The following WDFY1 variants were observed in gnomAD, a reference collection of about 807,000 sequenced individuals.
The protein encoded by WDFY1 is WD repeat and FYVE domain-containing protein 1.
WDFY1 carries 32 observed loss-of-function variants against 56.4 expected under a neutral mutation model. That is an observed-to-expected ratio of 0.57 (90% CI 0.43 to 0.76). The LOEUF (loss-of-function observed/expected upper bound fraction) is 0.76. Ranked by LOEUF, WDFY1 falls within the 30% of genes least tolerant of loss-of-function variation. The pLI is 0.00. For missense variants in WDFY1, 480 were observed against 545.7 expected, an observed-to-expected ratio of 0.88 and a Z score of 1.20; for synonymous variants, 192 against 197.3, an observed-to-expected ratio of 0.97 and a Z score of 0.23.
intron 1 of WDFY1, among the ~76,000 whole-genome samples, chr2:223,920,462 C>T (rs1421740709): frequency 6.6e-6 from 1 of 152,222 alleles, no homozygotes; most frequent in Admixed American, 6.5e-5. Context: ...GAAATATTTA[C>T]ATGGAAAGAT....
At chr2:223,924,941 A>C (rs1390357228) in intron 1 of WDFY1, among the ~76,000 whole-genome samples, 2 of 152,180 alleles carry the variant, frequency 1.3e-5, no homozygotes, top group African/African-American at 4.8e-5. Flanking sequence ...CCTGCCCAAT[A>C]ATAATGACAA....
chr2:223,928,500 C>T (rs1694021403), intron 1 of WDFY1, among the ~76,000 whole-genome samples: 1 of 152,150 alleles, frequency 6.6e-6, no homozygotes, highest in African/African-American at 2.4e-5. Context: ...AGGATACCTG[C>T]TGACCGACCT....
chr2:223,929,209 CAG>C (rs1694037054), intron 1 of WDFY1, among the ~76,000 whole-genome samples: 1 of 46,298 alleles, frequency 2.2e-5, no homozygotes, highest in Admixed American at 2.3e-4. Context: ...TTTTTTGAGA[CAG>C]AGTTTTGCTC....
intron 1 of WDFY1, among the ~76,000 whole-genome samples, chr2:223,927,533 ATTAAGG>A: frequency 6.6e-6 from 1 of 152,312 alleles, no homozygotes; most frequent in Admixed American, 6.5e-5. Flanking sequence ...ATCGAAGAGG[ATTAAGG>A]CCTTGCTCTG....
chr2:223,912,448 C>T (rs921295789), intron 2 of WDFY1, 122 bp from the exon 3 acceptor site: 6 of 642,488 alleles, frequency 9.3e-6, no homozygotes, highest in Admixed American at 3.9e-5. Flanking sequence ...AGGGTAAAAA[C>T]GTTTTATACA....
chr2:223,932,829 TA>T (rs1289310457), intron 1 of WDFY1, among the ~76,000 whole-genome samples: 1 of 150,378 alleles, frequency 6.6e-6, no homozygotes, highest in African/African-American at 2.5e-5. Flanking sequence ...TAGCAAAGGA[TA>T]TTTTTTCCTA....
At chr2:223,887,822 CCT>C (rs1431162814) in intron 8 of WDFY1, among the ~76,000 whole-genome samples, 2 of 152,046 alleles carry the variant, frequency 1.3e-5, no homozygotes, top group Non-Finnish European at 2.9e-5. Context: ...CATTTTCCCC[CCT>C]TAGCCTCTCA....
chr2:223,938,076 T>C (rs1221658619), intron 1 of WDFY1, among the ~76,000 whole-genome samples: 5 of 152,190 alleles, frequency 3.3e-5, no homozygotes, highest in African/African-American at 9.6e-5. Context: ...ATCTAAAAGT[T>C]GGTTTTCTGT....
At chr2:223,878,804 AC>A in intron 11 of WDFY1, 74 bp from the exon 12 acceptor site, 1 of 1,538,644 alleles carries the variant, frequency 6.5e-7, no homozygotes, top group Non-Finnish European at 8.9e-7. Context: ...ACACAGACAA[AC>A]AAACGACTGT....
At chr2:223,916,758 A>G (rs1693794383) in intron 2 of WDFY1, among the ~76,000 whole-genome samples, 1 of 151,560 alleles carries the variant, frequency 6.6e-6, no homozygotes, top group East Asian at 1.9e-4. Flanking sequence ...CGCTGCTTAG[A>G]TTCACATGAA....
intron 10 of WDFY1, 88 bp from the exon 11 acceptor site, chr2:223,880,320 A>T: frequency 8.3e-7 from 1 of 1,203,790 alleles, no homozygotes; most frequent in Non-Finnish European, 1.2e-6. Flanking sequence ...AAAATAAGCA[A>T]ATATGGCCAG....
intron 1 of WDFY1, among the ~76,000 whole-genome samples, chr2:223,918,808 G>C (rs1023872927): frequency 6.6e-6 from 1 of 152,134 alleles, no homozygotes; most frequent in Non-Finnish European, 1.5e-5. Context: ...GGCATGGAGA[G>C]GGGCGCCACG....
At chr2:223,896,048 C>T (rs1414056074) in intron 6 of WDFY1, among the ~76,000 whole-genome samples, 1 of 148,088 alleles carries the variant, frequency 6.8e-6, no homozygotes, top group Non-Finnish European at 1.5e-5. Context: ...CCCAGCTACT[C>T]GGGAGGCTAA....
At chr2:223,893,742 A>G (rs921123429) in intron 8 of WDFY1, among the ~76,000 whole-genome samples, 4 of 152,176 alleles carry the variant, frequency 2.6e-5, no homozygotes, top group African/African-American at 9.7e-5. Flanking sequence ...AAAGAATACT[A>G]TGTCGACATG....
At chr2:223,900,050 C>T (rs375194603) in intron 5 of WDFY1, among the ~76,000 whole-genome samples, 3 of 152,164 alleles carry the variant, frequency 2.0e-5, no homozygotes, top group Admixed American at 6.5e-5. Context: ...ATTACTTTCT[C>T]GATTTGTGGT....
At chr2:223,889,925 C>T (rs1693239680) in intron 8 of WDFY1, among the ~76,000 whole-genome samples, 1 of 152,168 alleles carries the variant, frequency 6.6e-6, no homozygotes, top group Admixed American at 6.5e-5. Flanking sequence ...CCGAGCAACA[C>T]TATCCCTATT....
At chr2:223,943,228 A>G (rs1411364390) in intron 1 of WDFY1, among the ~76,000 whole-genome samples, 1 of 148,958 alleles carries the variant, frequency 6.7e-6, no homozygotes, top group African/African-American at 2.5e-5. Context: ...TGCCTTTTTC[A>G]GGTCCCCACC....
In WDFY1 at chr2:223,884,751, T is replaced by TG. The variant is rs1236974397; in HGVS notation, c.832-3dup. The stretch of plus-strand genomic sequence containing the variant: ...ATCACTTTCCAACCACTGAGGAGCC[T>TG]GGGGGAGCAGAAAGTCAAAGCCACC... On this transcript the variant is annotated splice_polypyrimidine_tract_variant and splice_region_variant and intron_variant, in intron 8 of 11. Transcript: ENST00000233055. 1 of 1,613,774 alleles carries TG rather than the reference T, an allele frequency of 6.2e-7. No individual in the cohort carries two copies.
In WDFY1 at chr2:223,881,961, C is replaced by A. The variant is rs1035003508; in HGVS notation, c.1045G>T (p.Asp349Tyr). The A allele has an allele frequency of 1.2e-6, 2 of 1,613,706 alleles. No homozygotes were observed. The highest frequency in any genetic ancestry group is 1.1e-5 in the South Asian group (1 of 91,062). The change falls in exon 10 of 12, where the codon GAC becomes TAC. Residue 349 changes from aspartate to tyrosine, a missense_variant. By Grantham distance (160) the Asp-to-Tyr change is radical. Transcript: ENST00000233055. ...ACTCACTCTTCATCTTTGATGGAGTCGTAACAAGAATCACAAACCCGGACT... is the reference window on the plus strand; with the variant it reads ...ACTCACTCTTCATCTTTGATGGAGTAGTAACAAGAATCACAAACCCGGACT... ...FQVRVCDSCY[D>Y]SIKDEDRTSL...
Sources: gnomAD v4.1 joint callset for allele counts (sites outside exome capture counted in the v4.1 genomes callset) on GRCh38, gnomAD v4.1.1 for gene constraint, MANE v1.5 for transcripts, NCBI Gene and HGNC (gene_info 2026-07-23, HGNC 2026-07-21) for gene names.